The following ZNF385D variants were observed in gnomAD, a reference collection of about 807,000 sequenced individuals.
ZNF385D encodes the protein zinc finger protein 385D.
Under a neutral mutation model 35.8 loss-of-function variants are expected in ZNF385D, and 15 were observed. The ratio of observed to expected loss-of-function variants is 0.42; its 90% CI spans 0.28 to 0.64. The LOEUF is 0.64. Among genes scored for constraint, ZNF385D ranks in the 30% least tolerant of loss-of-function variants. The pLI, the probability that ZNF385D is intolerant of heterozygous loss-of-function variation, is 0.23. For missense variants in ZNF385D, 474 were observed against 494.6 expected (o/e 0.96, Z 0.39); for synonymous variants, 212 against 186.8 (o/e 1.13, Z -1.10).
In ZNF385D at chr3:21,918,106, A is replaced by G. The variant is rs182393580; in HGVS notation, c.325+250711T>C. 8.9e-4 allele frequency among the ~76,000 whole-genome samples: 135 copies of G among 152,366 alleles called. 1 individual carries two copies. The Middle Eastern group carries it at 0.01, about 12-fold the overall frequency. ...AGAATGCTTCTCAATGTGTTTTAAT[A>G]AGCTGAGAATACACTAGGCACTAAA... On this transcript the variant is annotated intron_variant, in intron 3 of 5. Transcript: ENST00000494108.
chr3:21,474,569 C>T (rs1018750305), intron 4 of ZNF385D, among the ~76,000 whole-genome samples: 3 of 152,076 alleles, frequency 2.0e-5, no homozygotes, highest in Non-Finnish European at 2.9e-5. Flanking sequence ...GAGCCTTTAT[C>T]CTACACCATC....
chr3:22,176,569 T>G (rs368510918), intron 2 of ZNF385D, among the ~76,000 whole-genome samples: 1 of 152,148 alleles, frequency 6.6e-6, no homozygotes, highest in Admixed American at 6.5e-5. Flanking sequence ...CTTTTACAAG[T>G]TGATGGAAGT....
chr3:21,824,046 T>C (rs960251781), intron 3 of ZNF385D, among the ~76,000 whole-genome samples: 4 of 152,186 alleles, frequency 2.6e-5, no homozygotes, highest in Non-Finnish European at 5.9e-5. Flanking sequence ...TTTCTTAATA[T>C]AAAAGTAAAT....
intron 3 of ZNF385D, among the ~76,000 whole-genome samples, chr3:21,774,226 C>G (rs553590714): frequency 1.3e-5 from 2 of 151,636 alleles, no homozygotes; most frequent in East Asian, 3.9e-4. Flanking sequence ...GATGAGAAGA[C>G]ATGGACACAT....
intron 2 of ZNF385D, among the ~76,000 whole-genome samples, chr3:22,318,319 T>A (rs1016523087): frequency 6.6e-6 from 1 of 151,946 alleles, no homozygotes; most frequent in African/African-American, 2.4e-5. Flanking sequence ...ATTGAGAAAA[T>A]GGATGAAGAT....
chr3:22,177,251 C>G (rs1278340181), intron 2 of ZNF385D, among the ~76,000 whole-genome samples: 3 of 152,102 alleles, frequency 2.0e-5, no homozygotes, highest in African/African-American at 7.2e-5. Flanking sequence ...TGAAAATGCA[C>G]CAAATATCTT....
At chr3:22,113,977 C>T (rs2125650832) in intron 3 of ZNF385D, among the ~76,000 whole-genome samples, 1 of 152,118 alleles carries the variant, frequency 6.6e-6, no homozygotes, top group South Asian at 2.1e-4. Flanking sequence ...TTACCTTTAA[C>T]ATAATTAAAT....
At chr3:22,287,456 G>C (rs1463685330) in intron 2 of ZNF385D, among the ~76,000 whole-genome samples, 1 of 151,676 alleles carries the variant, frequency 6.6e-6, no homozygotes, top group Non-Finnish European at 1.5e-5. Flanking sequence ...TTCCTCTCTT[G>C]CTGTCTTTGC....
At chr3:21,992,866 T>C (rs1695229722) in intron 3 of ZNF385D, among the ~76,000 whole-genome samples, 1 of 152,198 alleles carries the variant, frequency 6.6e-6, no homozygotes, top group Non-Finnish European at 1.5e-5. Context: ...AATCTTAGTA[T>C]GCATAGCTGA....
At chr3:21,857,955 C>A (rs1349562159) in intron 3 of ZNF385D, among the ~76,000 whole-genome samples, 1 of 151,714 alleles carries the variant, frequency 6.6e-6, no homozygotes, top group Admixed American at 6.6e-5. Context: ...GAAATGCAAT[C>A]CAGGGCCAGG....
chr3:21,499,673 CAATAA>C (rs1165199847), intron 4 of ZNF385D, among the ~76,000 whole-genome samples: 6 of 149,992 alleles, frequency 4.0e-5, no homozygotes, highest in African/African-American at 1.5e-4. Flanking sequence ...AAACGAAAAA[CAATAA>C]AATAAGGCCC....
chr3:22,163,836 T>C (rs543734120), intron 3 of ZNF385D, among the ~76,000 whole-genome samples: 15 of 152,350 alleles, frequency 9.8e-5, no homozygotes, highest in Admixed American at 3.9e-4. Flanking sequence ...CATTTTGCAA[T>C]TGTGCATGTT....
intron 2 of ZNF385D, among the ~76,000 whole-genome samples, chr3:22,269,848 A>T (rs751640826): frequency 7.2e-5 from 11 of 151,846 alleles, no homozygotes; most frequent in Non-Finnish European, 1.5e-4. Context: ...AATGAACCTT[A>T]AATGGCAAAT....
chr3:21,846,517 C>T (rs534170116), intron 3 of ZNF385D, among the ~76,000 whole-genome samples: 1 of 151,986 alleles, frequency 6.6e-6, no homozygotes, highest in South Asian at 2.1e-4. Flanking sequence ...GGGCTTTTTG[C>T]CATAGCTGAG....
chr3:22,309,024 G>A (rs1703391213), intron 2 of ZNF385D, among the ~76,000 whole-genome samples: 1 of 151,960 alleles, frequency 6.6e-6, no homozygotes. Context: ...TCCATTCTCT[G>A]TACTTGTATG....
At chr3:21,576,731 C>T (rs900422758) in intron 2 of ZNF385D, among the ~76,000 whole-genome samples, 1 of 152,012 alleles carries the variant, frequency 6.6e-6, no homozygotes, top group African/African-American at 2.4e-5. Flanking sequence ...TTTATTGAAA[C>T]TTCTCACTTT....
intron 2 of ZNF385D, among the ~76,000 whole-genome samples, chr3:22,221,175 A>G (rs1172571228): frequency 6.6e-6 from 1 of 152,116 alleles, no homozygotes; most frequent in African/African-American, 2.4e-5. Flanking sequence ...ACACAGAAAC[A>G]TATATGCATA....
chr3:21,816,938 A>G (rs570926811), intron 3 of ZNF385D, among the ~76,000 whole-genome samples: 15 of 152,302 alleles, frequency 9.8e-5, no homozygotes, highest in African/African-American at 3.4e-4. Context: ...AAACTATAGT[A>G]CAAGGCTACA....
At chr3:22,023,231 GA>G (rs1396865625) in intron 3 of ZNF385D, among the ~76,000 whole-genome samples, 3 of 152,194 alleles carry the variant, frequency 2.0e-5, no homozygotes, top group African/African-American at 7.2e-5. Flanking sequence ...AAGTGAGAAT[GA>G]GAGGAAGCAG....
Sources: allele counts gnomAD v4.1 joint callset (sites outside exome capture counted in the v4.1 genomes callset), GRCh38; gene constraint gnomAD v4.1.1; transcripts MANE v1.5; gene names NCBI Gene and HGNC (gene_info 2026-07-23, HGNC 2026-07-21).